NEK10: variants seen among roughly 807,000 people sequenced by gnomAD.
NEK10 encodes NIMA related kinase 10.
In NEK10, 122 loss-of-function variants were observed where a neutral mutation model predicts 159.8. The ratio of observed to expected loss-of-function variants is 0.76; its 90% confidence interval spans 0.66 to 0.89. NEK10 has a LOEUF of 0.89. NEK10 is among the 40% of genes least tolerant of loss of function. The pLI is 0.00. For missense variants in NEK10, 1,342 were observed against 1,323.1 expected (o/e 1.01, Z -0.22); for synonymous variants, 466 against 457.1 (o/e 1.02, Z -0.25).
chr3:27,215,815 G>C, intron 23 of NEK10: 1 of 717,490 alleles, frequency 1.4e-6, no homozygotes, highest in Non-Finnish European at 2.6e-6. Context: ...AGAAGGCAAA[G>C]GAGGAGCCAG....
chr3:27,156,536 C>T (rs553146156), intron 30 of NEK10, among the ~76,000 whole-genome samples: 8 of 152,026 alleles, frequency 5.3e-5, no homozygotes, highest in Admixed American at 2.6e-4. Flanking sequence ...AAATGACCAA[C>T]GAACATACGA....
At chr3:27,242,262 A>C (rs937910766) in intron 23 of NEK10, among the ~76,000 whole-genome samples, 1 of 152,198 alleles carries the variant, frequency 6.6e-6, no homozygotes, top group African/African-American at 2.4e-5. Flanking sequence ...TGTTGCTTCC[A>C]GCCTGACAAT....
chr3:27,162,295 G>T, intron 30 of NEK10: 1 of 1,238,290 alleles, frequency 8.1e-7, no homozygotes, highest in Non-Finnish European at 1.1e-6. Flanking sequence ...AAGGCATTTT[G>T]TTACCATCAA....
intron 29 of NEK10, among the ~76,000 whole-genome samples, chr3:27,164,649 T>C (rs939456666): frequency 6.6e-6 from 1 of 152,242 alleles, no homozygotes; most frequent in Non-Finnish European, 1.5e-5. Flanking sequence ...CCCAGTGGCC[T>C]CCATACTTAA....
chr3:27,183,461 C>T (rs1238720883), intron 26 of NEK10, among the ~76,000 whole-genome samples: 3 of 149,422 alleles, frequency 2.0e-5, no homozygotes, highest in Non-Finnish European at 4.4e-5. Flanking sequence ...CAAAAGGGAT[C>T]ATAGGTCTAA....
At chr3:27,184,177 C>T (rs944394714) in intron 26 of NEK10, among the ~76,000 whole-genome samples, 4 of 152,090 alleles carry the variant, frequency 2.6e-5, no homozygotes, top group African/African-American at 7.2e-5. Flanking sequence ...CTGGAGAAAA[C>T]GTAAGTGTTC....
chr3:27,208,411 G>A (rs972953718), intron 23 of NEK10, among the ~76,000 whole-genome samples: 16 of 152,010 alleles, frequency 1.1e-4, no homozygotes, highest in Admixed American at 2.6e-4. Context: ...ATATAACCTC[G>A]TCCCACAAGG....
At position 27,358,374 on chromosome 3, in the gene NEK10, T is replaced by C. The variant is rs532556281; in HGVS notation, c.-37-5455A>G. On this transcript the variant is annotated intron_variant, in intron 1 of 35. Transcript: ENST00000691995. Reference sequence around the variant, plus strand: ...TTTCCAAACCTCAGGGTTTGGTGCGTACAGCCCTAGACAAGTACAGCTATA... The same window carrying C: ...TTTCCAAACCTCAGGGTTTGGTGCGCACAGCCCTAGACAAGTACAGCTATA... 3.3e-5 allele frequency among the ~76,000 whole-genome samples: 5 copies of C among 152,348 alleles called. No homozygotes were observed. The South Asian group carries it at 1.0e-3, about 32-fold the overall frequency.
intron 23 of NEK10, among the ~76,000 whole-genome samples, chr3:27,229,534 T>C (rs1953005526): frequency 6.6e-6 from 1 of 151,998 alleles, no homozygotes; most frequent in South Asian, 2.1e-4. Flanking sequence ...ATCTCTGAAA[T>C]GCTAGATAAA....
intron 5 of NEK10, among the ~76,000 whole-genome samples, chr3:27,323,339 C>A (rs548324605): frequency 6.6e-6 from 1 of 152,304 alleles, no homozygotes; most frequent in East Asian, 1.9e-4. Flanking sequence ...ATGGAGCATT[C>A]CCAGACACTC....
chr3:27,125,848 A>G (rs1941879886), intron 32 of NEK10, among the ~76,000 whole-genome samples: 1 of 152,168 alleles, frequency 6.6e-6, no homozygotes, highest in African/African-American at 2.4e-5. Context: ...CTAAACTAAA[A>G]GAAGGCTGAA....
At chr3:27,163,763 A>G (rs1458362190) in intron 29 of NEK10, among the ~76,000 whole-genome samples, 1 of 152,238 alleles carries the variant, frequency 6.6e-6, no homozygotes, top group Admixed American at 6.5e-5. Flanking sequence ...TATATCATAC[A>G]TGTACTAGGT....
chr3:27,361,170 C>A (rs534058646), intron 1 of NEK10, among the ~76,000 whole-genome samples: 36 of 152,156 alleles, frequency 2.4e-4, no homozygotes, highest in Non-Finnish European at 4.6e-4. Context: ...TATTCTCATT[C>A]CAACTTATAT....
intron 5 of NEK10, among the ~76,000 whole-genome samples, chr3:27,332,517 T>A (rs2046491091): frequency 6.6e-6 from 1 of 152,222 alleles, no homozygotes. Context: ...CTGAGTCTTG[T>A]TTGTCATATT....
intron 22 of NEK10, among the ~76,000 whole-genome samples, chr3:27,269,024 G>A (rs1167208313): frequency 6.6e-6 from 1 of 152,168 alleles, no homozygotes; most frequent in African/African-American, 2.4e-5. Flanking sequence ...CAGATGTGGT[G>A]GAAATAACAA....
intron 31 of NEK10, among the ~76,000 whole-genome samples, chr3:27,134,143 A>G (rs1355836289): frequency 2.6e-5 from 4 of 152,194 alleles, no homozygotes; most frequent in Non-Finnish European, 4.4e-5. Flanking sequence ...GATGAGAAGG[A>G]AAATGAGTAT....
intron 26 of NEK10, among the ~76,000 whole-genome samples, chr3:27,180,599 C>T (rs1470746701): frequency 6.6e-6 from 1 of 152,112 alleles, no homozygotes; most frequent in Non-Finnish European, 1.5e-5. Flanking sequence ...TGGTTATCAA[C>T]AGGAATGAAA....
intron 26 of NEK10, among the ~76,000 whole-genome samples, chr3:27,180,823 C>G (rs1948016514): frequency 6.6e-6 from 1 of 152,088 alleles, no homozygotes; most frequent in Non-Finnish European, 1.5e-5. Context: ...TCCCTGATTT[C>G]ATTCTTGGCT....
At chr3:27,219,736 T>A (rs946247478) in intron 23 of NEK10, among the ~76,000 whole-genome samples, 4 of 152,144 alleles carry the variant, frequency 2.6e-5, no homozygotes, top group African/African-American at 9.7e-5. Flanking sequence ...AGTCACTTAG[T>A]CAGAAAGGGA....
Sources: allele counts gnomAD v4.1 joint callset (sites outside exome capture counted in the v4.1 genomes callset), GRCh38; gene constraint gnomAD v4.1.1; transcripts MANE v1.5; gene names NCBI Gene and HGNC (gene_info 2026-07-23, HGNC 2026-07-21).